ADCK5: variants seen among roughly 807,000 people sequenced by gnomAD.
ADCK5 encodes uncharacterized aarF domain-containing protein kinase 5.
A neutral mutation model predicts 64.9 loss-of-function variants in ADCK5; 43 were observed. The ratio of observed to expected loss-of-function variants is 0.66; its 90% confidence interval spans 0.52 to 0.85. The LOEUF is 0.85. ADCK5 is among the 40% of genes least tolerant of loss of function. The probability of loss-of-function intolerance (pLI) is 0.00; values close to 1 mark genes in which losing one functional copy is unlikely to be tolerated. For missense variants in ADCK5, 760 were observed against 810.5 expected (o/e 0.94, Z 0.76); for synonymous variants, 434 against 342.8 (o/e 1.27, Z -2.94).
At chr8:144,381,667 C>T (rs1819653982) in intron 2 of ADCK5, among the ~76,000 whole-genome samples, 1 of 150,062 alleles carries the variant, frequency 6.7e-6, no homozygotes, top group African/African-American at 2.5e-5. Flanking sequence ...TGTGCTCAGG[C>T]ACCTCCCGCA....
At chr8:144,375,197 G>A (rs782434667) in intron 1 of ADCK5, among the ~76,000 whole-genome samples, 1 of 152,232 alleles carries the variant, frequency 6.6e-6, no homozygotes. Context: ...CGAGTGGACA[G>A]GTCGGTTTAG....
At chr8:144,390,610 G>C (rs577463762) in intron 3 of ADCK5, 61 bp from the exon 4 acceptor site, 1 of 1,529,716 alleles carries the variant, frequency 6.5e-7, no homozygotes, top group African/African-American at 1.4e-5. Context: ...TCTGACAAGA[G>C]GACCAAGCAC....
Position 144,392,310 on chromosome 8 carries a change from C to T in ADCK5, c.1232C>T (p.Ala411Val). 1 of 1,504,164 alleles carries T rather than the reference C, an allele frequency of 6.6e-7. No homozygotes were observed. The allele number at this position is 1,504,164 out of a possible 1,614,324, so 93.2% of individuals were successfully genotyped here. A position where few individuals can be genotyped will look rare whatever the true frequency, so the allele number is the denominator to read the frequency against. ...WRAIILRDDA[A>V]MRAHAAALGV... ...GCCATCATCCTGCGGGACGACGCCGCCATGAGGGCGCACGCAGCCGCACTG... is the reference window on the plus strand; with the variant it reads ...GCCATCATCCTGCGGGACGACGCCGTCATGAGGGCGCACGCAGCCGCACTG... Residue 411 changes from alanine (A) to valine (V), a missense_variant, in exon 12 of 15, where the codon GCC becomes GTC. By Grantham distance (64) the Ala-to-Val change is moderately conservative. Transcript: ENST00000308860.
rs868907233 is a variant in ADCK5 at position 144,391,784 on chromosome 8, G to A, written c.932G>A (p.Arg311His). 1 of 1,550,038 alleles carries A rather than the reference G, an allele frequency of 6.5e-7. No individual in the cohort carries two copies. Among genetic ancestry groups the A allele is most frequent in the Non-Finnish European group, 8.7e-7 (1 of 1,153,816 alleles). ...PRVHWDKSSK[R>H]VLTADFCAGC... ...AGCCCAGCCTCTTGCTCTCCCCAGC[G>A]CGTGCTCACTGCCGACTTCTGCGCC... The change falls in exon 9 of 15, where the codon CGC becomes CAC. Residue 311 changes from arginine (R) to histidine (H), a missense_variant and splice_region_variant. Transcript: ENST00000308860.
At chr8:144,375,694 A>G in intron 1 of ADCK5, 1 of 978,342 alleles carries the variant, frequency 1.0e-6, no homozygotes, top group African/African-American at 1.7e-5. Flanking sequence ...TGTGGTCTAG[A>G]GTCACTCTGG....
rs782569733 is a variant in ADCK5 at position 144,392,581 on chromosome 8, G to A, written c.1404G>A (p.Ala468=). The A allele has an allele frequency of 7.0e-6, 11 of 1,577,326 alleles. No individual in the cohort carries two copies. Among genetic ancestry groups the A allele is most frequent in the African/African-American group, 1.3e-5 (1 of 74,514 alleles). Residue 468 remains alanine, a synonymous_variant, in exon 13 of 15, where the codon GCG becomes GCA. Coordinates refer to ENST00000308860, the MANE Select transcript of ADCK5 (RefSeq NM_174922.5). ...GCGAGCGCTTCGAGGCCGTCATGGC[G>A]GTGCTCAGGGAGCTGCCGCGGCCCA... ...MARERFEAVM[A]VLRELPRPML...
chr8:144,380,757 CCACTCAGGATTATGGGCTGGGTGTAGAA>C (rs1819576441), intron 2 of ADCK5, among the ~76,000 whole-genome samples: 1 of 1,042 alleles, frequency 9.6e-4, no homozygotes, highest in Admixed American at 0.011. Flanking sequence ...GGCACCTGCC[CCACTCAGGATTATGGGCTGGGTGTAGAA>C]GCAGATGTGT....
At chr8:144,388,959 A>G (rs1820074791) in intron 3 of ADCK5, among the ~76,000 whole-genome samples, 1 of 152,092 alleles carries the variant, frequency 6.6e-6, no homozygotes, top group Non-Finnish European at 1.5e-5. Flanking sequence ...CGTGAGCTTC[A>G]CAGAACGCAG....
rs782103303 is a variant in ADCK5, at chr8:144,392,239, C to T, written c.1176-15C>T. 9.5e-5 allele frequency: 146 copies of T among 1,541,238 alleles called. 1 individual carries two copies. In the Middle Eastern group the frequency reaches 2.0e-3, roughly 22 times the overall value. On this transcript the variant is annotated splice_polypyrimidine_tract_variant and intron_variant, in intron 11 of 14. Coordinates refer to ENST00000308860, the MANE Select transcript of ADCK5 (RefSeq NM_174922.5). ...GCCGCAGGGAGCTCATGGCTGCGGG[C>T]CCATCCACACCCAGGGACCGCGCAG...
chr8:144,373,956 T>A, upstream of ADCK5: 2 of 978,908 alleles, frequency 2.0e-6, no homozygotes, highest in African/African-American at 1.7e-5. Flanking sequence ...ACTCGGGGCG[T>A]GGCCTCCAGC....
chr8:144,379,082 C>T (rs1488203236), intron 1 of ADCK5, among the ~76,000 whole-genome samples: 1 of 151,822 alleles, frequency 6.6e-6, no homozygotes, highest in Non-Finnish European at 1.5e-5. Flanking sequence ...TACGTACATG[C>T]ACCACTATGC....
intron 3 of ADCK5, among the ~76,000 whole-genome samples, chr8:144,388,791 C>T (rs1820064957): frequency 6.6e-6 from 1 of 152,074 alleles, no homozygotes; most frequent in African/African-American, 2.4e-5. Context: ...AACCGAAACC[C>T]TGGCCTAACC....
intron 3 of ADCK5, among the ~76,000 whole-genome samples, chr8:144,387,276 C>G (rs537259866): frequency 6.6e-6 from 1 of 152,202 alleles, no homozygotes; most frequent in Non-Finnish European, 1.5e-5. Flanking sequence ...AGGAGTGACA[C>G]TGCTTCTGTC....
chr8:144,383,049 C>T (rs369554383), intron 2 of ADCK5, 32 bp from the exon 3 acceptor site: 65 of 1,571,376 alleles, frequency 4.1e-5, no homozygotes, highest in Middle Eastern at 1.7e-4. Context: ...ATGTGGGGGG[C>T]GGCGCCTCCA....
chr8:144,375,638 G>C lies in ADCK5; in HGVS notation c.12+1531G>C, dbSNP rs933723822. On this transcript the variant is annotated intron_variant, in intron 1 of 14. Coordinates refer to ENST00000308860, the MANE Select transcript of ADCK5 (RefSeq NM_174922.5). ...TGGTTGTGAACTTCATGATACCTGT[G>C]TGAGTGTTACCACTCAGAATACTTG... The C allele has an allele frequency of 1.1e-5, 11 of 985,336 alleles. No individual in the cohort carries two copies. In the African/African-American group the frequency reaches 1.9e-4, roughly 17 times the overall value. 61.0% of individuals were successfully genotyped at this position (985,336 alleles called of 1,614,324 possible).
intron 3 of ADCK5, among the ~76,000 whole-genome samples, chr8:144,383,962 G>A (rs1218678685): frequency 1.4e-5 from 2 of 145,314 alleles, no homozygotes; most frequent in Non-Finnish European, 3.0e-5. Flanking sequence ...GCGCAATCTC[G>A]GCTCACTCAA....
At chr8:144,388,707 G>C (rs1266144175) in intron 3 of ADCK5, among the ~76,000 whole-genome samples, 1 of 151,942 alleles carries the variant, frequency 6.6e-6, no homozygotes, top group African/African-American at 2.4e-5. Context: ...GGAGCCTGCA[G>C]TGAGCCAAGA....
chr8:144,388,686 A>ACC (rs1471213936), intron 3 of ADCK5, among the ~76,000 whole-genome samples: 1 of 151,208 alleles, frequency 6.6e-6, no homozygotes, highest in East Asian at 2.0e-4. Context: ...AACGGCGTGA[A>ACC]CCTGGGAGGC....
chr8:144,380,165 A>G (rs1275033192), intron 2 of ADCK5, among the ~76,000 whole-genome samples: 2 of 152,150 alleles, frequency 1.3e-5, no homozygotes, highest in African/African-American at 4.8e-5. Context: ...CACCTGCTGC[A>G]CTCAGGATTA....
Sources: allele counts gnomAD v4.1 joint callset (sites outside exome capture counted in the v4.1 genomes callset), GRCh38; gene constraint gnomAD v4.1.1; transcripts MANE v1.5; gene names NCBI Gene and HGNC (gene_info 2026-07-23, HGNC 2026-07-21).